The following TFPI variants were observed in gnomAD, a reference collection of about 807,000 sequenced individuals.
TFPI encodes anti-convertin.
A neutral mutation model predicts 34.6 loss-of-function variants in TFPI; 15 were observed. The ratio of observed to expected loss-of-function variants is 0.43; its 90% confidence interval spans 0.29 to 0.67. The LOEUF is 0.67. Ranked by LOEUF, TFPI falls within the 30% of genes least tolerant of loss-of-function variation. The pLI, the probability that TFPI is intolerant of heterozygous loss-of-function variation, is 0.15. For synonymous variants in TFPI, 105 were observed against 120.1 expected (o/e 0.87, Z 0.82); for missense variants, 301 against 364.0 (o/e 0.83, Z 1.41).
intron 1 of TFPI, among the ~76,000 whole-genome samples, chr2:187,506,089 G>T (rs917190670): frequency 6.6e-6 from 1 of 151,996 alleles, no homozygotes; most frequent in African/African-American, 2.4e-5. Flanking sequence ...GTCTGGTTCT[G>T]GGTGATAACA....
intron 6 of TFPI, chr2:187,478,500 C>G: frequency 1.0e-6 from 1 of 966,222 alleles, no homozygotes; most frequent in Non-Finnish European, 1.4e-6. Context: ...AGACTCACAA[C>G]TAGCACGAAC....
intron 1 of TFPI, chr2:187,527,014 A>G (rs1687714598): frequency 6.6e-6 from 1 of 152,190 alleles, no homozygotes; most frequent in Non-Finnish European, 1.5e-5. Flanking sequence ...CTGTCCACTA[A>G]AACCTGGCAG....
chr2:187,504,150 C>T (rs938846455), intron 1 of TFPI, among the ~76,000 whole-genome samples: 2 of 152,144 alleles, frequency 1.3e-5, no homozygotes, highest in Non-Finnish European at 2.9e-5. Context: ...TATTCTTTCT[C>T]AGTCAGAACC....
intron 6 of TFPI, among the ~76,000 whole-genome samples, chr2:187,483,225 T>C (rs1234485480): frequency 2.0e-5 from 3 of 151,900 alleles, no homozygotes; most frequent in African/African-American, 7.2e-5. Flanking sequence ...ATGGCCAAGG[T>C]AGAGAATTCC....
chr2:187,474,352 G>C (rs1248265728), intron 6 of TFPI, among the ~76,000 whole-genome samples: 1 of 152,024 alleles, frequency 6.6e-6, no homozygotes, highest in Non-Finnish European at 1.5e-5. Flanking sequence ...GGTTTGCTTG[G>C]GGGTACTTCG....
intron 3 of TFPI, among the ~76,000 whole-genome samples, chr2:187,495,349 A>AT (rs1395105069): frequency 1.3e-5 from 2 of 152,194 alleles, no homozygotes; most frequent in African/African-American, 4.8e-5. Flanking sequence ...ACTAAGAATG[A>AT]TTTTCAACTC....
Position 187,511,615 on chromosome 2 carries a change from C to A in TFPI, c.-2-7845G>T, listed in dbSNP as rs140098726. Among the ~76,000 whole-genome samples, 289 of 152,226 alleles carry A rather than the reference C, an allele frequency of 1.9e-3. 3 individuals are homozygous for A. Among genetic ancestry groups the A allele is most frequent in the African/African-American group, 6.9e-3 (285 of 41,530 alleles). On this transcript the variant is annotated intron_variant, in intron 1 of 7. Coordinates refer to ENST00000233156, the MANE Select transcript of TFPI (RefSeq NM_006287.6). The stretch of plus-strand genomic sequence containing the variant: ...TAGAACTTTATGTGAAATAGACTGG[C>A]CAGCATTAGAGGTGGATTTCCCATC...
chr2:187,466,585 G>A lies in TFPI; in HGVS notation c.*351C>T, dbSNP rs1310725252. 5.8e-6 allele frequency: 1 copy of A among 171,846 alleles called. No homozygotes were observed. The highest frequency in any genetic ancestry group is 2.4e-5 in the African/African-American group (1 of 41,538). The allele number at this position is 171,846 out of a possible 1,614,324, so 10.6% of individuals were successfully genotyped here. On this transcript the variant is annotated 3_prime_UTR_variant, in exon 8 of 8. Coordinates refer to ENST00000233156, the MANE Select transcript of TFPI (RefSeq NM_006287.6). Reference sequence around the variant, plus strand: ...TAATCTGGTTACAGGCTATAAAGGAGATAATCATTTACATGATCATATTCT... The same window carrying A: ...TAATCTGGTTACAGGCTATAAAGGAAATAATCATTTACATGATCATATTCT...
chr2:187,523,614 C>G (rs890019202), intron 1 of TFPI, among the ~76,000 whole-genome samples: 1 of 152,038 alleles, frequency 6.6e-6, no homozygotes, highest in Non-Finnish European at 1.5e-5. Context: ...AAGGTTCACT[C>G]TTTGTGCTGT....
At chr2:187,535,866 A>C (rs1688222156) in intron 1 of TFPI, among the ~76,000 whole-genome samples, 2 of 152,182 alleles carry the variant, frequency 1.3e-5, no homozygotes, top group Admixed American at 6.5e-5. Flanking sequence ...AGAGAGAAGA[A>C]TCAAATAGAC....
chr2:187,506,924 T>C (rs1686259362), intron 1 of TFPI, among the ~76,000 whole-genome samples: 2 of 152,184 alleles, frequency 1.3e-5, no homozygotes, highest in South Asian at 4.1e-4. Context: ...TTTATTTTTT[T>C]ATACTTTAAG....
At chr2:187,488,192 T>C in intron 4 of TFPI, 145 bp downstream of exon 4, 1 of 559,660 alleles carries the variant, frequency 1.8e-6, no homozygotes, top group Non-Finnish European at 3.1e-6. Flanking sequence ...TATGGATTTT[T>C]TTAAATCAAT....
chr2:187,532,671 C>A (rs1688027054), intron 1 of TFPI, among the ~76,000 whole-genome samples: 1 of 152,126 alleles, frequency 6.6e-6, no homozygotes, highest in African/African-American at 2.4e-5. Flanking sequence ...CAGTCACCTA[C>A]CAAGCTGCGG....
chr2:187,531,299 A>G (rs1049758747), intron 1 of TFPI, among the ~76,000 whole-genome samples: 1 of 152,328 alleles, frequency 6.6e-6, no homozygotes, highest in Middle Eastern at 3.4e-3. Flanking sequence ...TATACTCTAT[A>G]TTCTACCAAA....
intron 1 of TFPI, among the ~76,000 whole-genome samples, 186 bp from the exon 2 acceptor site, chr2:187,503,956 T>A (rs1212122444): frequency 6.6e-6 from 1 of 152,158 alleles, no homozygotes; most frequent in African/African-American, 2.4e-5. Flanking sequence ...TTCAGAATTA[T>A]GGGCAAACAC....
At chr2:187,471,463 A>G (rs963221786) in intron 6 of TFPI, among the ~76,000 whole-genome samples, 1 of 152,288 alleles carries the variant, frequency 6.6e-6, no homozygotes. Context: ...GTTTTGCGAA[A>G]TGTAATTTTT....
chr2:187,502,492 G>A (rs1344034870), intron 2 of TFPI, among the ~76,000 whole-genome samples: 1 of 152,092 alleles, frequency 6.6e-6, no homozygotes, highest in Non-Finnish European at 1.5e-5. Context: ...TGAGAAAAAA[G>A]CCGAATGAGG....
At chr2:187,504,566 G>GAAAAAAAA (rs71017396) in intron 1 of TFPI, among the ~76,000 whole-genome samples, 3 of 123,904 alleles carry the variant, frequency 2.4e-5, no homozygotes, top group Non-Finnish European at 3.4e-5. Flanking sequence ...CGCCAAAAAG[G>GAAAAAAAA]AAAAAAAAAA....
intron 1 of TFPI, among the ~76,000 whole-genome samples, chr2:187,551,024 T>A (rs1367518409): frequency 1.3e-5 from 2 of 152,088 alleles, no homozygotes; most frequent in Non-Finnish European, 1.5e-5. Flanking sequence ...TGTGGTATAT[T>A]TCGAGGGTGT....
Sources: allele counts gnomAD v4.1 joint callset (sites outside exome capture counted in the v4.1 genomes callset), GRCh38; gene constraint gnomAD v4.1.1; transcripts MANE v1.5; gene names NCBI Gene and HGNC (gene_info 2026-07-23, HGNC 2026-07-21).